The following TRPM5 variants were observed in gnomAD, a reference collection of about 807,000 sequenced individuals.
The protein encoded by TRPM5 is MLSN1 and TRP-related.
A neutral mutation model predicts 124.9 loss-of-function variants in TRPM5; 121 were observed. The ratio of observed to expected loss-of-function variants is 0.97; its 90% confidence interval spans 0.84 to 1.13. TRPM5 has a LOEUF of 1.13. TRPM5 is among the 50% of genes most tolerant of loss of function. The probability of loss-of-function intolerance (pLI) is 0.00; values close to 1 mark genes in which losing one functional copy is unlikely to be tolerated. For synonymous variants in TRPM5, 781 were observed against 700.5 expected, an observed-to-expected ratio of 1.11 and a Z score of -1.81; for missense variants, 1,643 against 1,589.1, an observed-to-expected ratio of 1.03 and a Z score of -0.58.
chr11:2,411,124 C>T (rs1850435927), intron 18 of TRPM5, among the ~76,000 whole-genome samples: 1 of 152,124 alleles, frequency 6.6e-6, no homozygotes, highest in East Asian at 1.9e-4. Context: ...GGCCCCAGGT[C>T]CCAGGTCGGG....
the TRPM5 span, among the ~76,000 whole-genome samples, chr11:2,440,322 A>G: frequency 1.3e-5 from 2 of 152,200 alleles, no homozygotes; most frequent in Non-Finnish European, 2.9e-5. The surrounding 1 kb of genome is among the most constrained non-coding windows in gnomAD (Gnocchi z 5.2). Context: ...TCTGAATCTA[A>G]AAAAGAACAG....
upstream of TRPM5, among the ~76,000 whole-genome samples, chr11:2,423,789 CCTCT>C (rs1845806734): frequency 6.6e-6 from 1 of 152,212 alleles, no homozygotes; most frequent in African/African-American, 2.4e-5. Context: ...CATCTCAGCC[CCTCT>C]CTATGTGGCA....
At position 2,417,835 on chromosome 11, in the gene TRPM5, C is replaced by T. The variant is rs1348486987; in HGVS notation, c.907-6G>A. On this transcript the variant is annotated splice_polypyrimidine_tract_variant and splice_region_variant and intron_variant, in intron 6 of 23. Coordinates refer to ENST00000155858, the Ensembl canonical transcript of TRPM5. The stretch of plus-strand genomic sequence containing the variant: ...TGTGAGGTGATGTTCTGCAGCTGGG[C>T]ACCAGAACAGAGCCCCCATGGGGCC... The T allele has an allele frequency of 6.4e-7, 1 of 1,569,326 alleles. No homozygotes were observed. The highest frequency in any genetic ancestry group is 2.3e-5 in the East Asian group (1 of 42,950).
upstream of TRPM5, among the ~76,000 whole-genome samples, chr11:2,428,044 C>T (rs751890262): frequency 3.3e-4 from 51 of 152,312 alleles, no homozygotes; most frequent in African/African-American, 7.5e-4. This position sits in a 1 kb window ranked among gnomAD's most constrained non-coding sequence, Gnocchi z 4.0. Flanking sequence ...TCCCTGCATC[C>T]GGAGTCAGGA....
intron 7 of TRPM5, among the ~76,000 whole-genome samples, chr11:2,416,451 C>T (rs1019556511): frequency 1.3e-5 from 2 of 152,186 alleles, no homozygotes; most frequent in East Asian, 1.9e-4. Flanking sequence ...TCAAGGGGGG[C>T]CTGCAGCACC....
exon 24 of TRPM5, chr11:2,404,746 C>T (rs368004103): frequency 1.3e-4 from 76 of 568,466 alleles, no homozygotes; most frequent in Middle Eastern, 4.6e-4. Context: ...GCTGTGCCTC[C>T]GGGGAGGCCA....
rs1044505203 is a variant in TRPM5 at position 2,406,807 on chromosome 11, G to C, written c.3119-14C>G. 4 of 1,606,988 alleles carry C rather than the reference G, an allele frequency of 2.5e-6. No individual in the cohort carries two copies. The highest frequency in any genetic ancestry group is 2.5e-6 in the Non-Finnish European group (3 of 1,176,938). On this transcript the variant is annotated splice_polypyrimidine_tract_variant and intron_variant, in intron 20 of 23. Coordinates refer to ENST00000155858, the Ensembl canonical transcript of TRPM5. ...GCAGGTCTCTCTCTGGGAAAGCCAGGTGGCAGCCAGCATTACTAGAGCATG... is the reference window on the plus strand; with the variant it reads ...GCAGGTCTCTCTCTGGGAAAGCCAGCTGGCAGCCAGCATTACTAGAGCATG...
the TRPM5 span, among the ~76,000 whole-genome samples, chr11:2,433,393 C>A: frequency 6.6e-6 from 1 of 152,064 alleles, no homozygotes; most frequent in Non-Finnish European, 1.5e-5. Flanking sequence ...GGCTGCCCGG[C>A]CAACTCCACC....
rs571971083 is a variant in TRPM5 at position 2,415,665 on chromosome 11, A to C, written c.1129-194T>G. Reference sequence around the variant, plus strand: ...GGGCACAGAGGGGCCAGTCGTGAGCAAATGCTGAGGGTGTCACAACCCCCT... The same window carrying C: ...GGGCACAGAGGGGCCAGTCGTGAGCCAATGCTGAGGGTGTCACAACCCCCT... On this transcript the variant is annotated intron_variant, in intron 8 of 23. Coordinates refer to ENST00000155858, the Ensembl canonical transcript of TRPM5. 2.6e-4 allele frequency among the ~76,000 whole-genome samples: 39 copies of C among 152,316 alleles called. No individual in the cohort carries two copies. In the East Asian group the frequency reaches 6.4e-3, roughly 25 times the overall value.
chr11:2,422,398 A>C, intron 1 of TRPM5, 77 bp from the exon 7 acceptor site: 46 of 797,798 alleles, frequency 5.8e-5, no homozygotes, highest in Non-Finnish European at 7.6e-5. Context: ...GGGGCTGGAC[A>C]CAAGGGGGCA....
exon 3 of TRPM5, chr11:2,421,100 G>A (rs1372754185): frequency 2.6e-6 from 4 of 1,547,876 alleles, no homozygotes; most frequent in Middle Eastern, 1.7e-4. Context: ...GCAACCACAC[G>A]GACCTTGGTG....
the TRPM5 span, among the ~76,000 whole-genome samples, chr11:2,428,149 A>C: frequency 0.091 from 13,930 of 152,258 alleles, 745 homozygotes; most frequent in African/African-American, 0.15. This position sits in a 1 kb window ranked among gnomAD's most constrained non-coding sequence, Gnocchi z 4.0. Context: ...CTTGGGCCTC[A>C]GTACCTTGGA....
At chr11:2,440,332 G>A in the TRPM5 span, among the ~76,000 whole-genome samples, 1 of 152,152 alleles carries the variant, frequency 6.6e-6, no homozygotes, top group East Asian at 1.9e-4. The surrounding 1 kb of genome is among the most constrained non-coding windows in gnomAD (Gnocchi z 5.2). Context: ...AAAAAGAACA[G>A]CAGGGCCTTA....
chr11:2,438,171 C>G, the TRPM5 span, among the ~76,000 whole-genome samples: 4 of 152,150 alleles, frequency 2.6e-5, no homozygotes, highest in Non-Finnish European at 5.9e-5. This position sits in a 1 kb window ranked among gnomAD's most constrained non-coding sequence, Gnocchi z 5.9. Flanking sequence ...AACTAGCCAT[C>G]AAAGGAACAT....
upstream of TRPM5, among the ~76,000 whole-genome samples, chr11:2,427,381 G>A (rs1035405082): frequency 1.2e-4 from 18 of 152,238 alleles, no homozygotes; most frequent in South Asian, 1.7e-3. Flanking sequence ...GGGTGGAGCC[G>A]TCTGCCTACC....
rs941327324 is a variant in TRPM5, at chr11:2,420,961, G to A, written c.465+71C>T. 2.0e-5 allele frequency: 29 copies of A among 1,437,450 alleles called. 1 individual carries two copies. The highest frequency in any genetic ancestry group is 1.1e-4 in the South Asian group (8 of 72,784). 89.0% of individuals were successfully genotyped at this position (1,437,450 alleles called of 1,614,324 possible). On this transcript the variant is annotated intron_variant, in intron 3 of 23. Coordinates refer to ENST00000155858, the Ensembl canonical transcript of TRPM5. The stretch of plus-strand genomic sequence containing the variant: ...GTCCTGTCCTCCCAGAGCTCTGCCC[G>A]CTGCCCAAACCCTTCTGAGCCCCTG...
At chr11:2,405,322 G>A (rs1290141359) in intron 23 of TRPM5, among the ~76,000 whole-genome samples, 1 of 152,240 alleles carries the variant, frequency 6.6e-6, no homozygotes, top group Non-Finnish European at 1.5e-5. Context: ...AAGAGTCTGA[G>A]TGAAGCACAT....
At chr11:2,436,956 A>T in the TRPM5 span, among the ~76,000 whole-genome samples, 1 of 152,010 alleles carries the variant, frequency 6.6e-6, no homozygotes, top group South Asian at 2.1e-4. Flanking sequence ...GGCTGGGAGG[A>T]GTGAGTGTGG....
At chr11:2,431,951 A>G in the TRPM5 span, among the ~76,000 whole-genome samples, 1 of 152,196 alleles carries the variant, frequency 6.6e-6, no homozygotes, top group Non-Finnish European at 1.5e-5. Flanking sequence ...CACATGTTCT[A>G]AAGTCAATGA....
Sources: allele counts gnomAD v4.1 joint callset (sites outside exome capture counted in the v4.1 genomes callset), GRCh38; gene constraint gnomAD v4.1.1; non-coding constraint Gnocchi (gnomAD v3.1); transcripts MANE v1.5; gene names NCBI Gene and HGNC (gene_info 2026-07-23, HGNC 2026-07-21).